The following ESR1 variants were observed in gnomAD, a reference collection of about 807,000 sequenced individuals.
The protein encoded by ESR1 is estrogen receptor 1.
Under a neutral mutation model 52.7 loss-of-function variants are expected in ESR1, and 12 were observed. The ratio of observed to expected loss-of-function variants is 0.23; its 90% CI spans 0.15 to 0.37. The LOEUF (loss-of-function observed/expected upper bound fraction) is 0.37, where lower values mean the gene tolerates loss of function less well. Ranked by LOEUF, ESR1 falls within the 10% of genes least tolerant of loss-of-function variation. The pLI is 1.00. For synonymous variants in ESR1, 305 were observed against 316.8 expected, an observed-to-expected ratio of 0.96 and a Z score of 0.39; for missense variants, 584 against 779.7, an observed-to-expected ratio of 0.75 and a Z score of 2.99.
At chr6:152,033,686 A>T (rs1287406578) in intron 5 of ESR1, among the ~76,000 whole-genome samples, 9 of 152,178 alleles carry the variant, frequency 5.9e-5, no homozygotes, top group Admixed American at 5.9e-4. Flanking sequence ...AGACTTTTAC[A>T]CTGTTGGTGG....
At chr6:151,963,747 T>C (rs2037935720) in intron 4 of ESR1, among the ~76,000 whole-genome samples, 1 of 152,208 alleles carries the variant, frequency 6.6e-6, no homozygotes, top group South Asian at 2.1e-4. Context: ...AAAGAACTCA[T>C]TGCCCAGATC....
chr6:151,945,990 CA>C lies in ESR1; in HGVS notation c.1096+1485del, dbSNP rs1488461992. On this transcript the variant is annotated intron_variant, in intron 4 of 7. Transcript: ENST00000206249. ...AGGTTTTCAGTGTCAGTCGAACTGG[CA>C]AACAAAAATTTCTGGTCATCTTCAG... Among the ~76,000 whole-genome samples the C allele has an allele frequency of 2.0e-5, 3 of 152,250 alleles. No individual in the cohort carries two copies. The East Asian group carries it at 5.8e-4, about 29-fold the overall frequency.
chr6:152,021,601 C>A (rs2043657410), intron 5 of ESR1, among the ~76,000 whole-genome samples: 1 of 152,132 alleles, frequency 6.6e-6, no homozygotes, highest in Admixed American at 6.5e-5. Context: ...TGAGATCCAT[C>A]ATGACTTTAT....
intron 4 of ESR1, among the ~76,000 whole-genome samples, chr6:151,949,580 C>T (rs1422913026): frequency 6.6e-6 from 1 of 152,242 alleles, no homozygotes; most frequent in East Asian, 1.9e-4. Context: ...TTTGCACCCA[C>T]TGTATAATAA....
chr6:152,000,323 G>A (rs2041848734), intron 4 of ESR1, among the ~76,000 whole-genome samples: 2 of 151,980 alleles, frequency 1.3e-5, no homozygotes, highest in South Asian at 4.1e-4. Context: ...ACTCATAAGT[G>A]GCAAAGCTGG....
chr6:152,084,031 A>C (rs964704653), intron 6 of ESR1, among the ~76,000 whole-genome samples: 3 of 152,232 alleles, frequency 2.0e-5, no homozygotes, highest in African/African-American at 7.2e-5. Context: ...CCAAATGTCC[A>C]TCAACGATAG....
intron 2 of ESR1, among the ~76,000 whole-genome samples, chr6:151,738,116 GT>G (rs2128052496): frequency 1.3e-5 from 2 of 152,192 alleles, no homozygotes; most frequent in African/African-American, 4.8e-5. Context: ...TTGTTTTCTG[GT>G]GGTAGGCTTA....
At chr6:151,679,857 A>C (rs1053192941) in intron 1 of ESR1, among the ~76,000 whole-genome samples, 4 of 152,112 alleles carry the variant, frequency 2.6e-5, no homozygotes, top group African/African-American at 9.7e-5. Flanking sequence ...GCAGTTAGCT[A>C]CTTGTTTCCT....
At chr6:151,985,254 C>G (rs1349960947) in intron 4 of ESR1, among the ~76,000 whole-genome samples, 2 of 151,832 alleles carry the variant, frequency 1.3e-5, no homozygotes, top group East Asian at 3.9e-4. Flanking sequence ...GCCTGTAATC[C>G]CAGCACTGTG....
At chr6:151,706,556 G>C (rs1780200302) in intron 2 of ESR1, among the ~76,000 whole-genome samples, 1 of 152,120 alleles carries the variant, frequency 6.6e-6, no homozygotes. Flanking sequence ...TGGCGGGTCA[G>C]GTCTTCTCAG....
intron 2 of ESR1, among the ~76,000 whole-genome samples, chr6:151,739,219 G>T (rs1036283328): frequency 2.0e-5 from 3 of 152,174 alleles, no homozygotes; most frequent in Non-Finnish European, 4.4e-5. Context: ...ATAATGTCAT[G>T]GAGTACCTAT....
rs2050483458 is a variant in ESR1, at chr6:152,094,808, A to G, written c.1553+240A>G. On this transcript the variant is annotated intron_variant, in intron 7 of 7. Transcript: ENST00000206249. This position sits in a 1 kb window ranked among gnomAD's most constrained non-coding sequence, Gnocchi z 4.6. ...GAAGCGATACTTACGCTTGGTTTAAAGCATGTGCTTTGGGGCAGTGGTTTA... is the reference window on the plus strand; with the variant it reads ...GAAGCGATACTTACGCTTGGTTTAAGGCATGTGCTTTGGGGCAGTGGTTTA... Among the ~76,000 whole-genome samples, 1 of 152,222 alleles carries G rather than the reference A, an allele frequency of 6.6e-6. No homozygotes were observed. Among genetic ancestry groups the G allele is most frequent in the South Asian group, 2.1e-4 (1 of 4,830 alleles).
intron 1 of ESR1, among the ~76,000 whole-genome samples, chr6:151,669,364 C>T (rs911050694): frequency 2.0e-5 from 3 of 151,910 alleles, no homozygotes; most frequent in African/African-American, 4.8e-5. Context: ...TATTCAATAA[C>T]AAGCCTACAG....
Position 152,025,224 on chromosome 6 carries a change from C to G in ESR1, c.1235+13430C>G, listed in dbSNP as rs886541558. On this transcript the variant is annotated intron_variant, in intron 5 of 7. Coordinates refer to ENST00000206249, the MANE Select transcript of ESR1 (RefSeq NM_000125.4). ...ATCACGCTTTTTTTTTTTTTTTTAA[C>G]CAGTGTTAAACATCCATTACAAAAA... 6.2e-5 allele frequency among the ~76,000 whole-genome samples: 9 copies of G among 145,222 alleles called. No homozygotes were observed. In the South Asian group the frequency reaches 8.6e-4, roughly 14 times the overall value.
intron 5 of ESR1, among the ~76,000 whole-genome samples, chr6:152,012,163 CT>C (rs9340975): frequency 0.032 from 4,910 of 151,770 alleles, 202 homozygotes; most frequent in African/African-American, 0.097. Context: ...TCTGTTGTTG[CT>C]TCTTGTACAT....
At chr6:151,872,083 T>C (rs893356485) in intron 2 of ESR1, among the ~76,000 whole-genome samples, 4 of 152,168 alleles carry the variant, frequency 2.6e-5, no homozygotes, top group Non-Finnish European at 5.9e-5. Flanking sequence ...TTTCAATTAT[T>C]TTGGGTCTAC....
intron 1 of ESR1, among the ~76,000 whole-genome samples, chr6:151,818,802 CAT>C (rs1000332587): frequency 8.5e-5 from 12 of 141,330 alleles, no homozygotes; most frequent in African/African-American, 2.7e-4. Context: ...TGTATATACA[CAT>C]ATATACACAC....
chr6:151,960,419 T>C (rs959991870), intron 4 of ESR1, among the ~76,000 whole-genome samples: 2 of 152,118 alleles, frequency 1.3e-5, no homozygotes, highest in Non-Finnish European at 2.9e-5. Context: ...GTAAGCCTCA[T>C]TGAGAGATCT....
In ESR1 at chr6:151,795,993, CAA is replaced by C. The variant is rs78880143; in HGVS notation, c.-70-11839_-70-11838del. 2.9e-4 allele frequency among the ~76,000 whole-genome samples: 43 copies of C among 145,874 alleles called. No homozygotes were observed. In the East Asian group the frequency reaches 3.2e-3, roughly 11 times the overall value. ...GAAACCCCATCTCTTCTAAAAATAC[CAA>C]AAAAAAAAAACCAAAACACAATTAG... On this transcript the variant is annotated intron_variant, in intron 2 of 2. Coordinates refer to the ESR1 transcript ENST00000404742.
Sources: gnomAD v4.1 joint callset for allele counts (sites outside exome capture counted in the v4.1 genomes callset) on GRCh38, gnomAD v4.1.1 for gene constraint, Gnocchi (gnomAD v3.1) non-coding constraint, MANE v1.5 for transcripts, NCBI Gene and HGNC (gene_info 2026-07-23, HGNC 2026-07-21) for gene names.